SLC5A10: variants seen among roughly 807,000 people sequenced by gnomAD.
The protein encoded by SLC5A10 is solute carrier family 5 member 10.
In SLC5A10, 55 loss-of-function variants were observed where a neutral mutation model predicts 68.9. The observed-to-expected ratio is 0.80, with a 90% CI of 0.64 to 1.00. The LOEUF is 1.00. Ranked by LOEUF, SLC5A10 falls within the 50% of genes least tolerant of loss-of-function variation. The pLI is 0.00. For synonymous variants in SLC5A10, 344 were observed against 344.8 expected, an observed-to-expected ratio of 1.00 and a Z score of 0.02; for missense variants, 732 against 819.3, an observed-to-expected ratio of 0.89 and a Z score of 1.30.
intron 9 of SLC5A10, chr17:18,977,815 C>T: frequency 1.2e-6 from 2 of 1,607,990 alleles, no homozygotes; most frequent in Non-Finnish European, 1.7e-6. Context: ...CGAAGTACTC[C>T]TCTGACACAG....
intron 9 of SLC5A10, among the ~76,000 whole-genome samples, chr17:19,008,383 G>C (rs137915590): frequency 1.3e-4 from 20 of 152,104 alleles, no homozygotes; most frequent in African/African-American, 3.9e-4. Context: ...ATTTAAATCT[G>C]TGATCTATTT....
chr17:18,960,374 C>G (rs1300318278), intron 4 of SLC5A10, among the ~76,000 whole-genome samples, 174 bp from the exon 5 acceptor site: 3 of 152,334 alleles, frequency 2.0e-5, no homozygotes, highest in African/African-American at 7.2e-5. Context: ...CGGAGCAGCC[C>G]GGGATTCCAG....
intron 9 of SLC5A10, among the ~76,000 whole-genome samples, chr17:18,997,633 G>T (rs145541414): frequency 6.6e-6 from 1 of 152,332 alleles, no homozygotes; most frequent in Non-Finnish European, 1.5e-5. Context: ...CTTGCCCAAG[G>T]TCACAAAGCA....
Position 18,959,543 on chromosome 17 carries a change from G to T in SLC5A10, c.289-61G>T, listed in dbSNP as rs369977215. On this transcript the variant is annotated intron_variant, in intron 3 of 14. Transcript: ENST00000395645. Reference sequence around the variant, plus strand: ...GGCTCATCCCAGCCATGTCTGCTTTGTCTCTGGAGCAGAGCTGTGGGAGCT... The same window carrying T: ...GGCTCATCCCAGCCATGTCTGCTTTTTCTCTGGAGCAGAGCTGTGGGAGCT... The T allele has an allele frequency of 3.2e-4, 505 of 1,564,550 alleles. 2 individuals carry two copies. The African/African-American group carries it at 6.1e-3, about 19-fold the overall frequency.
Position 19,015,170 on chromosome 17 carries a change from C to T in SLC5A10, c.1212C>T (p.Ser404=), listed in dbSNP as rs28582882. ...TCTGGAGGCGGCTGCGTCCCCGCTCCGGCGAGCGGGAGCTCCTGCTGGTGG... is the reference window on the plus strand; with the variant it reads ...TCTGGAGGCGGCTGCGTCCCCGCTCTGGCGAGCGGGAGCTCCTGCTGGTGG... ...MDIWRRLRPR[S]GERELLLVGR... The change falls in exon 11 of 15, where the codon TCC becomes TCT. Residue 404 remains serine, a synonymous_variant. Transcript: ENST00000395645. 434 of 1,268,484 alleles carry T rather than the reference C, an allele frequency of 3.4e-4. No individual in the cohort carries two copies. Among genetic ancestry groups the T allele is most frequent in the Non-Finnish European group, 4.0e-4 (381 of 952,836 alleles). The allele number at this position is 1,268,484 out of a possible 1,614,324, so 78.6% of individuals were successfully genotyped here. A position where few individuals can be genotyped will look rare whatever the true frequency, so the allele number is the denominator to read the frequency against.
At chr17:18,995,278 A>C (rs554620540) in intron 9 of SLC5A10, among the ~76,000 whole-genome samples, 1 of 152,344 alleles carries the variant, frequency 6.6e-6, no homozygotes, top group South Asian at 2.1e-4. Flanking sequence ...TTAGGTAGAG[A>C]TGTGGAAGCT....
At chr17:19,007,498 A>G (rs12453564) in intron 9 of SLC5A10, among the ~76,000 whole-genome samples, 44,181 of 151,956 alleles carry the variant, frequency 0.29, 8,841 homozygotes, top group African/African-American at 0.54. Context: ...AAATTCCTGG[A>G]CTCAAGCCGT....
chr17:19,003,753 C>A lies in SLC5A10; in HGVS notation c.983-9657C>A. On this transcript the variant is annotated intron_variant, in intron 9 of 14. Transcript: ENST00000395645. This position sits in a 1 kb window ranked among gnomAD's most constrained non-coding sequence, Gnocchi z 4.5. Reference sequence around the variant, plus strand: ...TCCGCCCCGCTGGCTTCCTCGCCGTCGCCGACCCCATTGTCCTCGGGCCCC... The same window carrying A: ...TCCGCCCCGCTGGCTTCCTCGCCGTAGCCGACCCCATTGTCCTCGGGCCCC... 2 of 1,606,474 alleles carry A rather than the reference C, an allele frequency of 1.2e-6. No individual in the cohort carries two copies. The highest frequency in any genetic ancestry group is 1.7e-6 in the Non-Finnish European group (2 of 1,176,600).
upstream of SLC5A10, among the ~76,000 whole-genome samples, chr17:18,951,348 T>G (rs550333861): frequency 9.9e-5 from 15 of 150,780 alleles, no homozygotes; most frequent in South Asian, 2.5e-3. Context: ...CTTCAATGGC[T>G]GCGTAATGGC....
chr17:19,015,518 G>A (rs189764857), intron 11 of SLC5A10, among the ~76,000 whole-genome samples: 4 of 152,252 alleles, frequency 2.6e-5, no homozygotes, highest in Admixed American at 1.3e-4. Flanking sequence ...CCTCCTGATG[G>A]TTCCCAGCTG....
chr17:18,969,223 C>G, intron 6 of SLC5A10, 66 bp downstream of exon 6: 1 of 1,582,472 alleles, frequency 6.3e-7, no homozygotes, highest in East Asian at 2.2e-5. Context: ...GCCACCTCCC[C>G]CTACAGGCCC....
At chr17:18,976,809 T>C (rs1217373097) in intron 8 of SLC5A10, 45 bp from the exon 9 acceptor site, 1 of 1,604,540 alleles carries the variant, frequency 6.2e-7, no homozygotes, top group Non-Finnish European at 8.5e-7. Flanking sequence ...CTGACACAAG[T>C]GTCCCTCAGG....
upstream of SLC5A10, chr17:18,950,786 G>A (rs1037955678): frequency 2.6e-5 from 18 of 702,308 alleles, no homozygotes; most frequent in Non-Finnish European, 3.1e-5. Context: ...CGCAGTCTTG[G>A]CTCACTGCAA....
rs1328162273 is a variant in SLC5A10, at chr17:19,003,539, A to G, written c.983-9871A>G. On this transcript the variant is annotated intron_variant, in intron 9 of 14. Transcript: ENST00000395645. The surrounding 1 kb of genome is among the most constrained non-coding windows in gnomAD (Gnocchi z 4.5). ...CCTCACCTTCTGTGCCTGGCTGATCATCTTCCGCACCACCTCTTTGATGTG... is the reference window on the plus strand; with the variant it reads ...CCTCACCTTCTGTGCCTGGCTGATCGTCTTCCGCACCACCTCTTTGATGTG... 1 of 1,540,910 alleles carries G rather than the reference A, an allele frequency of 6.5e-7. No individual in the cohort carries two copies. The highest frequency in any genetic ancestry group is 8.7e-7 in the Non-Finnish European group (1 of 1,143,432).
chr17:18,984,465 T>G (rs1385099410), intron 9 of SLC5A10, among the ~76,000 whole-genome samples: 2 of 152,160 alleles, frequency 1.3e-5, no homozygotes, highest in East Asian at 3.9e-4. Flanking sequence ...GCGGAAGGGC[T>G]GGGTCGTGCC....
At chr17:18,969,958 G>C (rs937710230) in intron 7 of SLC5A10, 1 of 153,062 alleles carries the variant, frequency 6.5e-6, no homozygotes. Context: ...ACCGTCCCTG[G>C]AAGTATGTAA....
Position 19,003,643 on chromosome 17 carries a change from C to T in SLC5A10, c.983-9767C>T, listed in dbSNP as rs2043791594. ...GGTAGGCGATGGTGTCGGGCCAGCC[C>T]AGGTCCAGCTGCGGGATGGAGCGGT... On this transcript the variant is annotated intron_variant, in intron 9 of 14. Transcript: ENST00000395645. The surrounding 1 kb of genome is among the most constrained non-coding windows in gnomAD (Gnocchi z 4.5). 4 of 1,612,456 alleles carry T rather than the reference C, an allele frequency of 2.5e-6. No homozygotes were observed. Among genetic ancestry groups the T allele is most frequent in the Non-Finnish European group, 3.4e-6 (4 of 1,179,634 alleles).
At chr17:18,951,087 G>C (rs575093291), upstream of SLC5A10, among the ~76,000 whole-genome samples, 1 of 152,238 alleles carries the variant, frequency 6.6e-6, no homozygotes. Flanking sequence ...GCAGGCCAGC[G>C]TGTTCCTGGT....
chr17:18,977,371 C>G, intron 9 of SLC5A10: 1 of 600,102 alleles, frequency 1.7e-6, no homozygotes, highest in Non-Finnish European at 2.9e-6. Context: ...TTTCAGGATG[C>G]TGGGACCAAG....
Sources: gnomAD v4.1 joint callset for allele counts (sites outside exome capture counted in the v4.1 genomes callset) on GRCh38, gnomAD v4.1.1 for gene constraint, Gnocchi (gnomAD v3.1) non-coding constraint, MANE v1.5 for transcripts, NCBI Gene and HGNC (gene_info 2026-07-23, HGNC 2026-07-21) for gene names.